Variants in HERC3 observed in about 807,000 individuals in gnomAD.
HERC3 encodes HECT and RLD domain containing E3 ubiquitin protein ligase 3.
In HERC3, 58 loss-of-function variants were observed where a neutral mutation model predicts 129.9. That is an observed-to-expected ratio of 0.45 (90% confidence interval 0.36 to 0.56). The LOEUF is 0.56. Among genes scored for constraint, HERC3 ranks in the 20% least tolerant of loss-of-function variants. HERC3 has a pLI of 0.00. For missense variants in HERC3, 835 were observed against 1,244.2 expected, an observed-to-expected ratio of 0.67 and a Z score of 4.95; for synonymous variants, 430 against 451.0, an observed-to-expected ratio of 0.95 and a Z score of 0.59.
intron 9 of HERC3, among the ~76,000 whole-genome samples, chr4:88,657,687 T>A (rs1730059018): frequency 6.6e-6 from 1 of 152,200 alleles, no homozygotes; most frequent in Admixed American, 6.5e-5. Context: ...TTAGGAACCC[T>A]CTTGGTAATG....
At chr4:88,570,331 T>C in the HERC3 span, among the ~76,000 whole-genome samples, 1 of 152,348 alleles carries the variant, frequency 6.6e-6, no homozygotes, top group East Asian at 1.9e-4. Context: ...AGAGAAGTGT[T>C]CATGAACTTG....
chr4:88,697,275 C>T (rs748038241), intron 23 of HERC3: 15 of 1,590,926 alleles, frequency 9.4e-6, no homozygotes, highest in South Asian at 6.9e-5. Flanking sequence ...CAGCCTCTGC[C>T]GCAGCCTCCT....
intron 16 of HERC3, among the ~76,000 whole-genome samples, chr4:88,674,243 G>A (rs1414512265): frequency 1.3e-5 from 2 of 152,146 alleles, no homozygotes; most frequent in Non-Finnish European, 2.9e-5. Flanking sequence ...TACAGGAAGA[G>A]GGTGGGGGGA....
chr4:88,590,215 C>G (rs1721627630), upstream of HERC3, among the ~76,000 whole-genome samples: 1 of 151,792 alleles, frequency 6.6e-6, no homozygotes, highest in Non-Finnish European at 1.5e-5. Context: ...TTGCAGTGAG[C>G]AGAGATCGCG....
At chr4:88,636,445 A>G (rs1727411249) in intron 3 of HERC3, among the ~76,000 whole-genome samples, 1 of 152,228 alleles carries the variant, frequency 6.6e-6, no homozygotes, top group African/African-American at 2.4e-5. Context: ...AGAAGAGCTA[A>G]CTATCCTAAA....
At chr4:88,579,137 C>G in the HERC3 span, among the ~76,000 whole-genome samples, 5,093 of 151,560 alleles carry the variant, frequency 0.034, 283 homozygotes, top group East Asian at 0.27. Context: ...AATCCCAGCA[C>G]TTTGGGAGGC....
intron 14 of HERC3, chr4:88,668,398 T>C (rs1447459830): frequency 3.5e-6 from 1 of 288,842 alleles, no homozygotes; most frequent in South Asian, 3.9e-5. Flanking sequence ...TACTGTACGT[T>C]GGTCTTTCTC....
rs4270907 is a variant in HERC3, at chr4:88,638,663, C to G, written c.227-11177C>G. On this transcript the variant is annotated intron_variant, in intron 3 of 25. Transcript: ENST00000402738. ...TGAATAGGCAAAAGCTGGAAGCATT[C>G]CCTTTGAAAACTGGCACAAGACAAG... Among the ~76,000 whole-genome samples the G allele has an allele frequency of 2.0e-5, 3 of 152,268 alleles. No individual in the cohort carries two copies. In the East Asian group the frequency reaches 5.8e-4, roughly 29 times the overall value.
At chr4:88,645,717 GA>G (rs1341323571) in intron 3 of HERC3, among the ~76,000 whole-genome samples, 3 of 152,146 alleles carry the variant, frequency 2.0e-5, no homozygotes, top group African/African-American at 7.2e-5. Context: ...GACAGTGAGA[GA>G]TTTCATCACA....
intron 3 of HERC3, among the ~76,000 whole-genome samples, chr4:88,634,194 G>A (rs903651623): frequency 1.3e-5 from 2 of 152,176 alleles, no homozygotes; most frequent in Non-Finnish European, 2.9e-5. Context: ...CTTGGGAACC[G>A]TGCTTTTTCC....
chr4:88,633,055 C>A (rs549484773), intron 3 of HERC3, among the ~76,000 whole-genome samples: 1 of 152,268 alleles, frequency 6.6e-6, no homozygotes, highest in South Asian at 2.1e-4. Flanking sequence ...ACACCAGAAA[C>A]CCTGGAGGCC....
At chr4:88,696,249 A>C (rs1734585098) in intron 23 of HERC3, 1 of 152,606 alleles carries the variant, frequency 6.6e-6, no homozygotes, top group East Asian at 1.9e-4. Flanking sequence ...TTTTTTCCAA[A>C]CATTAGCTTC....
chr4:88,598,656 C>T (rs1400747880), intron 2 of HERC3, among the ~76,000 whole-genome samples: 2 of 152,180 alleles, frequency 1.3e-5, no homozygotes, highest in Non-Finnish European at 2.9e-5. Context: ...CATGCATTTT[C>T]TCATTAATCC....
the HERC3 span, among the ~76,000 whole-genome samples, chr4:88,577,748 AC>A: frequency 6.6e-6 from 1 of 152,022 alleles, no homozygotes; most frequent in African/African-American, 2.4e-5. Flanking sequence ...ATAAACTGGC[AC>A]CATAGAATGG....
At chr4:88,660,343 A>G (rs898101484) in intron 10 of HERC3, among the ~76,000 whole-genome samples, 5 of 152,070 alleles carry the variant, frequency 3.3e-5, no homozygotes, top group African/African-American at 1.2e-4. Flanking sequence ...CTGGGATTAC[A>G]GGCGTCCGCT....
the HERC3 span, among the ~76,000 whole-genome samples, chr4:88,529,548 G>GT: frequency 1.3e-5 from 2 of 152,180 alleles, no homozygotes; most frequent in African/African-American, 4.8e-5. Context: ...GAGGTCAGGA[G>GT]TTCAAGACCA....
chr4:88,674,071 A>G (rs1200797933), intron 16 of HERC3, among the ~76,000 whole-genome samples: 3 of 152,104 alleles, frequency 2.0e-5, no homozygotes, highest in African/African-American at 7.2e-5. Flanking sequence ...CCTGCCCTCA[A>G]TTTAACTCCT....
At chr4:88,526,166 T>C in the HERC3 span, among the ~76,000 whole-genome samples, 1 of 152,258 alleles carries the variant, frequency 6.6e-6, no homozygotes. Context: ...TAGTAAACAT[T>C]CTGATGGAAA....
chr4:88,669,770 T>C, intron 14 of HERC3, 90 bp from the exon 15 acceptor site: 1 of 1,145,826 alleles, frequency 8.7e-7, no homozygotes, highest in Non-Finnish European at 1.3e-6. Flanking sequence ...GTTTATCTTC[T>C]AGACAAAGCA....
Sources: gnomAD v4.1 joint callset for allele counts (sites outside exome capture counted in the v4.1 genomes callset) on GRCh38, gnomAD v4.1.1 for gene constraint, MANE v1.5 for transcripts, NCBI Gene and HGNC (gene_info 2026-07-23, HGNC 2026-07-21) for gene names.